Variants in PHACTR3 observed in about 807,000 individuals in gnomAD.
PHACTR3 encodes phosphatase and actin regulator 3.
In PHACTR3, 16 loss-of-function variants were observed where a neutral mutation model predicts 66.8. That is an observed-to-expected ratio of 0.24 (90% CI 0.16 to 0.36). PHACTR3 has a LOEUF of 0.36. PHACTR3 is among the 10% of genes least tolerant of loss of function. PHACTR3 has a pLI of 1.00. For synonymous variants in PHACTR3, 323 were observed against 292.1 expected (o/e 1.11, Z -1.08); for missense variants, 647 against 719.9 (o/e 0.90, Z 1.16).
intron 1 of PHACTR3, among the ~76,000 whole-genome samples, chr20:59,648,672 C>T (rs1332899901): frequency 6.6e-6 from 1 of 152,194 alleles, no homozygotes; most frequent in Non-Finnish European, 1.5e-5. Flanking sequence ...GTACTTAAGG[C>T]AGGGCCTGTC....
chr20:59,601,583 G>C (rs2033479661), upstream of PHACTR3, among the ~76,000 whole-genome samples: 1 of 152,196 alleles, frequency 6.6e-6, no homozygotes. Flanking sequence ...TTGGGGACCA[G>C]ATCCTCACAG....
At chr20:59,605,878 G>A (rs575249890) in intron 1 of PHACTR3, among the ~76,000 whole-genome samples, 1 of 150,086 alleles carries the variant, frequency 6.7e-6, no homozygotes, top group African/African-American at 2.5e-5. Flanking sequence ...GGTGGGCTGT[G>A]TGCGCCTGTC....
intron 1 of PHACTR3, among the ~76,000 whole-genome samples, chr20:59,583,899 G>A (rs983159516): frequency 5.9e-5 from 9 of 152,222 alleles, no homozygotes; most frequent in African/African-American, 2.2e-4. Context: ...AAGCTACTTA[G>A]GTGCACCAGT....
chr20:59,779,679 T>C (rs1266793068), intron 7 of PHACTR3, among the ~76,000 whole-genome samples: 1 of 152,252 alleles, frequency 6.6e-6, no homozygotes, highest in Non-Finnish European at 1.5e-5. Context: ...AAAAAGAAAA[T>C]TTTTGTTATC....
intron 1 of PHACTR3, among the ~76,000 whole-genome samples, chr20:59,650,009 CTA>C (rs1163277635): frequency 2.0e-5 from 3 of 151,938 alleles, no homozygotes; most frequent in African/African-American, 7.3e-5. Context: ...AAAAATTTAA[CTA>C]TAAAGAATGA....
chr20:59,656,184 T>A (rs141504643), intron 1 of PHACTR3, among the ~76,000 whole-genome samples: 1,605 of 151,960 alleles, frequency 0.011, 87 homozygotes, highest in Admixed American at 0.094. Context: ...CTGTTGTTCA[T>A]CTTTTCTTTT....
rs144171661 is a variant in PHACTR3 at position 59,588,898 on chromosome 20, A to T, written c.109+11281A>T. 1.6e-3 allele frequency among the ~76,000 whole-genome samples: 250 copies of T among 152,368 alleles called. 2 individuals are homozygous for T. The highest frequency in any genetic ancestry group is 5.7e-3 in the African/African-American group (236 of 41,586). ...TGGTCTTCAGGCCCGTTGCCGAATG[A>T]AGGGTCTACTTCCCATCTTTGCTGT... On this transcript the variant is annotated intron_variant, in intron 1 of 12. Transcript: ENST00000359926.
chr20:59,797,455 C>A (rs954557169), intron 7 of PHACTR3, among the ~76,000 whole-genome samples: 7 of 151,938 alleles, frequency 4.6e-5, no homozygotes, highest in African/African-American at 1.7e-4. Context: ...GGTACAATCA[C>A]CTCTTCTAAT....
intron 8 of PHACTR3, among the ~76,000 whole-genome samples, 186 bp downstream of exon 8, chr20:59,806,380 C>T (rs756775552): frequency 3.3e-5 from 5 of 152,310 alleles, no homozygotes; most frequent in South Asian, 2.1e-4. Context: ...GGGGCTGTCC[C>T]GTGCATGCTC....
intron 1 of PHACTR3, among the ~76,000 whole-genome samples, chr20:59,737,079 AGTC>A (rs2038969819): frequency 6.6e-6 from 1 of 152,122 alleles, no homozygotes. Context: ...ATCAGGTTCA[AGTC>A]CCTGACTACG....
chr20:59,810,777 G>A (rs896222461), intron 8 of PHACTR3, among the ~76,000 whole-genome samples: 6 of 152,194 alleles, frequency 3.9e-5, no homozygotes, highest in African/African-American at 1.4e-4. Context: ...AAAGAGTGAA[G>A]CTCTATGCTG....
intron 1 of PHACTR3, chr20:59,676,786 C>T: frequency 1.1e-6 from 1 of 944,632 alleles, no homozygotes; most frequent in Non-Finnish European, 1.3e-6. Flanking sequence ...TGCCCCACAT[C>T]TCTGGTGAGG....
At chr20:59,763,459 A>G (rs187341532) in intron 4 of PHACTR3, among the ~76,000 whole-genome samples, 4 of 152,334 alleles carry the variant, frequency 2.6e-5, no homozygotes, top group Non-Finnish European at 5.9e-5. Flanking sequence ...ATGGTTGTTC[A>G]ATAACATTTG....
chr20:59,664,115 G>T (rs1219051787), intron 1 of PHACTR3, among the ~76,000 whole-genome samples: 1 of 152,124 alleles, frequency 6.6e-6, no homozygotes, highest in Non-Finnish European at 1.5e-5. Context: ...TCTTTATTTA[G>T]TAGACTGGGA....
At chr20:59,787,069 G>A (rs1568822213) in intron 7 of PHACTR3, among the ~76,000 whole-genome samples, 1 of 152,232 alleles carries the variant, frequency 6.6e-6, no homozygotes, top group Non-Finnish European at 1.5e-5. Context: ...CCTGTCACTT[G>A]TGCCCTATTC....
chr20:59,810,786 T>C (rs1023280423), intron 8 of PHACTR3, among the ~76,000 whole-genome samples: 1 of 152,178 alleles, frequency 6.6e-6, no homozygotes, highest in Non-Finnish European at 1.5e-5. Flanking sequence ...AGCTCTATGC[T>C]GATTTTCACC....
intron 9 of PHACTR3, among the ~76,000 whole-genome samples, chr20:59,839,998 C>CT (rs549753064): frequency 1.6e-3 from 237 of 152,198 alleles, no homozygotes; most frequent in Admixed American, 2.4e-3. Context: ...TCTACTACAG[C>CT]TTTTTTTATG....
intron 5 of PHACTR3, among the ~76,000 whole-genome samples, chr20:59,772,610 G>A (rs188246877): frequency 5.9e-5 from 9 of 152,136 alleles, no homozygotes; most frequent in Non-Finnish European, 1.2e-4. Flanking sequence ...CTTCAAAGAC[G>A]GGAGAGATCT....
At chr20:59,831,135 G>T (rs534738800) in intron 8 of PHACTR3, among the ~76,000 whole-genome samples, 2 of 152,206 alleles carry the variant, frequency 1.3e-5, no homozygotes, top group African/African-American at 2.4e-5. Flanking sequence ...TCGGAACCAG[G>T]AAGTGCCTGT....
Sources: gnomAD v4.1 joint callset for allele counts (sites outside exome capture counted in the v4.1 genomes callset) on GRCh38, gnomAD v4.1.1 for gene constraint, MANE v1.5 for transcripts, NCBI Gene and HGNC (gene_info 2026-07-23, HGNC 2026-07-21) for gene names.